The following CCL4 variants were observed in gnomAD, a reference collection of about 807,000 sequenced individuals.
CCL4 encodes C-C motif chemokine ligand 4.
In CCL4, 8 loss-of-function variants were observed where a neutral mutation model predicts 10.3. The observed-to-expected ratio is 0.77, with a 90% CI of 0.45 to 1.39. CCL4 has a LOEUF of 1.39. Ranked by LOEUF, CCL4 falls within the 40% of genes most tolerant of loss-of-function variation. The pLI is 0.00. For synonymous variants in CCL4, 35 were observed against 44.3 expected (o/e 0.79, Z 0.83); for missense variants, 106 against 111.2 (o/e 0.95, Z 0.21).
Position 36,105,261 on chromosome 17 carries a change from TC to T in CCL4, c.231del (p.Ser78ValfsTer14). ...AAAGAAGCAAGCAAGTCTGTGCTGA[TC>T]CCAGTGAATCCTGGGTCCAGGAGTA... ...TKRSKQVCAD[P>X]SESWVQEYVY... is the part of the protein sequence containing the mutation. On this transcript the variant is annotated frameshift_variant, in exon 3 of 3. Coordinates refer to ENST00000615863, the MANE Select transcript of CCL4 (RefSeq NM_002984.4). LOFTEE classifies it high-confidence loss of function. The T allele has an allele frequency of 6.2e-7, 1 of 1,614,046 alleles. No homozygotes were observed. The highest frequency in any genetic ancestry group is 8.5e-7 in the Non-Finnish European group (1 of 1,179,908).
In CCL4 at chr17:36,105,473, C is replaced by T; in HGVS notation, c.*161C>T. Reference sequence around the variant, plus strand: ...CGTGTTATTGTATTAGGTGTCATTTCCATTATTTATATTAGTTTAGCCAAA... The same window carrying T: ...CGTGTTATTGTATTAGGTGTCATTTTCATTATTTATATTAGTTTAGCCAAA... On this transcript the variant is annotated 3_prime_UTR_variant, in exon 3 of 3. Transcript: ENST00000615863. The T allele has an allele frequency of 1.3e-6, 1 of 762,098 alleles. No individual in the cohort carries two copies. The highest frequency in any genetic ancestry group is 2.7e-5 in the East Asian group (1 of 37,436). 47.2% of individuals were successfully genotyped at this position (762,098 alleles called of 1,614,324 possible).
chr17:36,104,090 A>C, intron 1 of CCL4, 109 bp downstream of exon 1: 2 of 1,231,494 alleles, frequency 1.6e-6, no homozygotes, highest in South Asian at 2.4e-5. Flanking sequence ...AAAGGCAGCT[A>C]GGAAGATTGC....
intron 1 of CCL4, 109 bp from the exon 2 acceptor site, chr17:36,104,419 T>C: frequency 1.7e-6 from 2 of 1,195,124 alleles, no homozygotes; most frequent in Non-Finnish European, 1.2e-6. Flanking sequence ...GAATGGATAT[T>C]TGGGGTTCTG....
chr17:36,104,606 A>G lies in CCL4; in HGVS notation c.155A>G (p.Tyr52Cys), dbSNP rs756755581. The change falls in exon 2 of 3, where the codon TAT (tyrosine) becomes TGT (cysteine). Residue 52 changes from tyrosine (Y) to cysteine (C), a missense_variant. Transcript: ENST00000615863. ...CCTCGCAACTTTGTGGTAGATTACT[A>G]TGAGACCAGCAGCCTCTGCTCCCAG... ...KLPRNFVVDY[Y>C]ETSSLCSQPA... 68 of 1,613,632 alleles carry G rather than the reference A, an allele frequency of 4.2e-5. No individual in the cohort carries two copies. In the East Asian group the frequency reaches 1.4e-3, roughly 34 times the overall value.
chr17:36,105,279 C>T lies in CCL4; in HGVS notation c.246C>T (p.Val82=), dbSNP rs1471563156. The change falls in exon 3 of 3, where the codon GTC becomes GTT. Residue 82 remains valine (V), a synonymous_variant. Coordinates refer to ENST00000615863, the MANE Select transcript of CCL4 (RefSeq NM_002984.4). ...GTGCTGATCCCAGTGAATCCTGGGT[C>T]CAGGAGTACGTGTATGACCTGGAAC... The part of the protein sequence containing the change: ...QVCADPSESW[V]QEYVYDLELN 1 of 1,614,106 alleles carries T rather than the reference C, an allele frequency of 6.2e-7. No individual in the cohort carries two copies. The highest frequency in any genetic ancestry group is 8.5e-7 in the Non-Finnish European group (1 of 1,179,922).
intron 2 of CCL4, 28 bp downstream of exon 2, chr17:36,104,670 G>C (rs1568573114): frequency 6.2e-7 from 1 of 1,613,742 alleles, no homozygotes; most frequent in Non-Finnish European, 8.5e-7. Flanking sequence ...GGCTGCCCTG[G>C]GAGGCAAGGG....
chr17:36,104,747 C>G, intron 2 of CCL4, 105 bp downstream of exon 2: 1 of 1,426,574 alleles, frequency 7.0e-7, no homozygotes, highest in Non-Finnish European at 9.8e-7. Context: ...GGAGGCAGCT[C>G]CCAGGGCTGA....
intron 2 of CCL4, 139 bp downstream of exon 2, chr17:36,104,781 A>G (rs984694948): frequency 9.2e-7 from 1 of 1,092,306 alleles, no homozygotes; most frequent in East Asian, 2.5e-5. Context: ...AGCAGTGAGG[A>G]CACAGGTCAT....
chr17:36,105,010 C>T, intron 2 of CCL4: 1 of 723,498 alleles, frequency 1.4e-6, no homozygotes, highest in South Asian at 1.5e-5. Context: ...TGCAATGCCC[C>T]TTGGTTCCTA....
chr17:36,104,904 A>G (rs1719148), intron 2 of CCL4: 152,099 of 689,114 alleles, frequency 0.22, 17,236 homozygotes, highest in East Asian at 0.26. Flanking sequence ...GACAGGTCCC[A>G]TGAGATATGG....
rs371375580 is a variant in CCL4, at chr17:36,105,288, C to T, written c.255C>T (p.Tyr85=). 66 of 1,614,000 alleles carry T rather than the reference C, an allele frequency of 4.1e-5. No individual in the cohort carries two copies. The highest frequency in any genetic ancestry group is 3.8e-4 in the South Asian group (35 of 91,082). ...ADPSESWVQE[Y]VYDLELN ...CCAGTGAATCCTGGGTCCAGGAGTA[C>T]GTGTATGACCTGGAACTGAACTGAG... The change falls in exon 3 of 3, where the codon TAC becomes TAT. Residue 85 remains tyrosine, a synonymous_variant. Transcript: ENST00000615863.
At chr17:36,104,191 A>G in intron 1 of CCL4, 1 of 745,398 alleles carries the variant, frequency 1.3e-6, no homozygotes, top group South Asian at 1.4e-5. Flanking sequence ...AGCAGAGGAA[A>G]ACGATGGGCT....
chr17:36,105,348 C>T lies in CCL4; in HGVS notation c.*36C>T. On this transcript the variant is annotated 3_prime_UTR_variant, in exon 3 of 3. Transcript: ENST00000615863. Reference sequence around the variant, plus strand: ...GACAGGAAGTCTTCAGGGAAGGTCACCTGAGCCCGGATGCTTCTCCATGAG... The same window carrying T: ...GACAGGAAGTCTTCAGGGAAGGTCATCTGAGCCCGGATGCTTCTCCATGAG... 6.2e-7 allele frequency: 1 copy of T among 1,602,208 alleles called. No individual in the cohort carries two copies. The highest frequency in any genetic ancestry group is 8.6e-7 in the Non-Finnish European group (1 of 1,169,134).
intron 2 of CCL4, 117 bp from the exon 3 acceptor site, chr17:36,105,108 C>T (rs1429083126): frequency 9.2e-6 from 10 of 1,084,744 alleles, no homozygotes; most frequent in Middle Eastern, 2.0e-4. Flanking sequence ...GGAAGGATCC[C>T]ATCCACCAGA....
chr17:36,104,039 C>G, intron 1 of CCL4, 58 bp downstream of exon 1: 1 of 1,601,080 alleles, frequency 6.2e-7, no homozygotes, highest in Non-Finnish European at 8.6e-7. Flanking sequence ...GTCCTTTTTT[C>G]TAGTCATGGC....
At chr17:36,104,680 G>A in intron 2 of CCL4, 38 bp downstream of exon 2, 1 of 1,613,160 alleles carries the variant, frequency 6.2e-7, no homozygotes, top group Non-Finnish European at 8.5e-7. Flanking sequence ...GGAGGCAAGG[G>A]TGAGGGCTGG....
At position 36,104,953 on chromosome 17, in the gene CCL4, A is replaced by G; in HGVS notation, c.192-272A>G. 4 of 706,182 alleles carry G rather than the reference A, an allele frequency of 5.7e-6. No individual in the cohort carries two copies. The South Asian group carries it at 6.0e-5, about 11-fold the overall frequency. The allele number at this position is 706,182 out of a possible 1,614,324, so 43.7% of individuals were successfully genotyped here. A position where few individuals can be genotyped will look rare whatever the true frequency, so the allele number is the denominator to read the frequency against. ...ACCGTGCTAGAAAGACATGTGGAAA[A>G]GTCACTGCCAGGCTGGCAGGGAATG... is the stretch of plus-strand genomic sequence containing the variant. On this transcript the variant is annotated intron_variant, in intron 2 of 2. Transcript: ENST00000615863.
chr17:36,104,036 T>C lies in CCL4; in HGVS notation c.76+55T>C, dbSNP rs2067140523. ...AGTCAAGGTGTAGGCAGAGTCCTTT[T>C]TTCTAGTCATGGCTGGCAAACAGTG... On this transcript the variant is annotated intron_variant, in intron 1 of 2. Coordinates refer to ENST00000615863, the MANE Select transcript of CCL4 (RefSeq NM_002984.4). The C allele has an allele frequency of 4.4e-6, 7 of 1,604,862 alleles. No individual in the cohort carries two copies. In the South Asian group the frequency reaches 6.6e-5, roughly 15 times the overall value.
intron 2 of CCL4, 172 bp downstream of exon 2, chr17:36,104,814 A>C (rs2067147347): frequency 1.1e-6 from 1 of 872,874 alleles, no homozygotes; most frequent in East Asian, 2.6e-5. Context: ...CAAGTGCTGA[A>C]GGCGGCAGAG....
Sources: gnomAD v4.1 joint callset for allele counts on GRCh38, gnomAD v4.1.1 for gene constraint, MANE v1.5 for transcripts, NCBI Gene and HGNC (gene_info 2026-07-23, HGNC 2026-07-21) for gene names.